Variants in AP4E1 observed in about 807,000 individuals in gnomAD.
AP4E1 encodes the protein AP-4 complex subunit epsilon-1.
Under a neutral mutation model 128.2 loss-of-function variants are expected in AP4E1, and 56 were observed. The observed-to-expected ratio is 0.44, with a 90% CI of 0.35 to 0.55. The LOEUF (loss-of-function observed/expected upper bound fraction) is 0.55, where lower values mean the gene tolerates loss of function less well. Among genes scored for constraint, AP4E1 ranks in the 20% least tolerant of loss-of-function variants. AP4E1 has a pLI of 0.00. For missense variants in AP4E1, 1,324 were observed against 1,307.7 expected (o/e 1.01, Z -0.19); for synonymous variants, 484 against 473.1 (o/e 1.02, Z -0.30).
chr15:50,948,247 T>C (rs1434781622), intron 11 of AP4E1, 88 bp downstream of exon 11: 4 of 1,506,082 alleles, frequency 2.7e-6, no homozygotes, highest in Non-Finnish European at 3.7e-6. Flanking sequence ...CACTTGCAAG[T>C]CGAGTTCAGA....
At chr15:51,002,453 G>GT in intron 20 of AP4E1, 49 bp from the exon 21 acceptor site, 1 of 1,595,276 alleles carries the variant, frequency 6.3e-7, no homozygotes, top group Non-Finnish European at 8.6e-7. Flanking sequence ...AGAAATGTCT[G>GT]TTTAACTCCT....
At chr15:50,915,631 T>C in intron 3 of AP4E1, 60 bp downstream of exon 3, 3 of 1,561,522 alleles carry the variant, frequency 1.9e-6, no homozygotes, top group South Asian at 1.1e-5. Context: ...GCATCTATTA[T>C]ACAAAATGAA....
At chr15:50,986,805 G>A (rs1189205234) in intron 16 of AP4E1, among the ~76,000 whole-genome samples, 1 of 152,178 alleles carries the variant, frequency 6.6e-6, no homozygotes, top group African/African-American at 2.4e-5. Flanking sequence ...TTTGGTATCA[G>A]GATGATGCTG....
rs756726678 is a variant in AP4E1, at chr15:50,999,180, G to A, written c.3013G>A (p.Gly1005Ser). 3 of 1,613,602 alleles carry A rather than the reference G, an allele frequency of 1.9e-6. No individual in the cohort carries two copies. The highest frequency in any genetic ancestry group is 1.7e-4 in the Middle Eastern group (1 of 6,034). Reference sequence around the variant, plus strand: ...ACCTTTTACAGAAGGAAATCTTACTGGTTTTATTAGTTATCATATGATGGA... The same window carrying A: ...ACCTTTTACAGAAGGAAATCTTACTAGTTTTATTAGTTATCATATGATGGA... ...EKPFTEGNLT[G>S]FISYHMMDTH... The change falls in exon 19 of 21, where the codon GGT becomes AGT. Residue 1005 changes from glycine to serine, a missense_variant. Physicochemically the swap from Gly to Ser is moderately conservative, Grantham distance 56 (BLOSUM62 0). Transcript: ENST00000261842.
At chr15:50,911,545 C>T (rs1452161109) in intron 1 of AP4E1, among the ~76,000 whole-genome samples, 3 of 144,982 alleles carry the variant, frequency 2.1e-5, no homozygotes, top group South Asian at 2.2e-4. Context: ...TGCAGTGGTA[C>T]GATCTCGGCT....
intron 15 of AP4E1, among the ~76,000 whole-genome samples, chr15:50,981,947 T>G (rs1212799108): frequency 6.6e-6 from 1 of 151,990 alleles, no homozygotes; most frequent in African/African-American, 2.4e-5. Context: ...TAGCCGGGCA[T>G]GCTGGCACAT....
chr15:50,920,476 G>C (rs1249182679), intron 3 of AP4E1, among the ~76,000 whole-genome samples: 1 of 149,340 alleles, frequency 6.7e-6, no homozygotes, highest in Non-Finnish European at 1.5e-5. Flanking sequence ...GCGCCACCTC[G>C]GTTCACTGCA....
At chr15:50,936,454 T>C (rs2063909501) in intron 8 of AP4E1, among the ~76,000 whole-genome samples, 1 of 152,022 alleles carries the variant, frequency 6.6e-6, no homozygotes, top group Non-Finnish European at 1.5e-5. Flanking sequence ...AGGTAATATA[T>C]GCACATGGGT....
intron 15 of AP4E1, among the ~76,000 whole-genome samples, chr15:50,970,491 C>A (rs550354293): frequency 6.6e-6 from 1 of 152,294 alleles, no homozygotes; most frequent in Non-Finnish European, 1.5e-5. Flanking sequence ...ATTACTGAAT[C>A]AGGTTCTTTC....
intron 15 of AP4E1, among the ~76,000 whole-genome samples, chr15:50,975,553 T>G (rs1351498075): frequency 2.0e-5 from 2 of 101,458 alleles, no homozygotes; most frequent in African/African-American, 6.6e-5. Flanking sequence ...TTGAGAAGAC[T>G]GTCCTTTCTC....
At chr15:50,948,824 T>A (rs1235423744) in intron 11 of AP4E1, among the ~76,000 whole-genome samples, 1 of 151,298 alleles carries the variant, frequency 6.6e-6, no homozygotes, top group African/African-American at 2.4e-5. Context: ...AATACAAAAT[T>A]AGCCGGGCAT....
chr15:50,932,478 C>A (rs1382732271), intron 7 of AP4E1, among the ~76,000 whole-genome samples: 1 of 152,174 alleles, frequency 6.6e-6, no homozygotes, highest in Non-Finnish European at 1.5e-5. Flanking sequence ...TTCCGAGTTG[C>A]TTGAGAGCAA....
intron 10 of AP4E1, 75 bp from the exon 11 acceptor site, chr15:50,947,945 A>G (rs1263160617): frequency 6.6e-6 from 8 of 1,217,368 alleles, no homozygotes; most frequent in South Asian, 1.3e-5. Flanking sequence ...TGTATGGTCA[A>G]CCTTTATGTT....
At chr15:50,975,478 G>T (rs1407029325) in intron 15 of AP4E1, among the ~76,000 whole-genome samples, 2 of 152,048 alleles carry the variant, frequency 1.3e-5, no homozygotes, top group Non-Finnish European at 2.9e-5. Context: ...TTTATGTATG[G>T]TATAAGATAA....
At chr15:50,993,694 A>G in intron 17 of AP4E1, 69 bp downstream of exon 17, 1 of 1,593,376 alleles carries the variant, frequency 6.3e-7, no homozygotes, top group Non-Finnish European at 8.6e-7. Context: ...TGGCTCTATA[A>G]AAGCTCCTGG....
At chr15:50,932,975 A>G (rs757319514) in intron 7 of AP4E1, among the ~76,000 whole-genome samples, 6 of 152,208 alleles carry the variant, frequency 3.9e-5, no homozygotes, top group Non-Finnish European at 8.8e-5. Flanking sequence ...AATGCATCAG[A>G]TCTTATTGGT....
intron 14 of AP4E1, among the ~76,000 whole-genome samples, chr15:50,963,279 AG>A (rs1308712293): frequency 6.6e-6 from 1 of 152,240 alleles, no homozygotes; most frequent in East Asian, 1.9e-4. Flanking sequence ...ATTATTTCAA[AG>A]GTATACCTGC....
chr15:50,951,178 G>T (rs929280867), intron 13 of AP4E1, among the ~76,000 whole-genome samples: 12 of 152,210 alleles, frequency 7.9e-5, no homozygotes, highest in African/African-American at 2.4e-4. Flanking sequence ...GGTCTCACAG[G>T]GTTGCAGTGA....
chr15:50,921,356 T>C (rs1294161722), intron 3 of AP4E1, among the ~76,000 whole-genome samples: 1 of 146,410 alleles, frequency 6.8e-6, no homozygotes, highest in Non-Finnish European at 1.5e-5. Flanking sequence ...TTACCTTTTC[T>C]TTTTTTTTTT....
Sources: gnomAD v4.1 joint callset for allele counts (sites outside exome capture counted in the v4.1 genomes callset) on GRCh38, gnomAD v4.1.1 for gene constraint, MANE v1.5 for transcripts, NCBI Gene and HGNC (gene_info 2026-07-23, HGNC 2026-07-21) for gene names.